Variants in LARGE1 observed in about 807,000 individuals in gnomAD.
LARGE1 encodes xylosyl- and glucuronyltransferase LARGE1.
A neutral mutation model predicts 87.6 loss-of-function variants in LARGE1; 43 were observed. The ratio of observed to expected loss-of-function variants is 0.49; its 90% confidence interval spans 0.38 to 0.63. LARGE1 has a LOEUF of 0.63. LARGE1 is among the 30% of genes least tolerant of loss of function. The pLI, the probability that LARGE1 is intolerant of heterozygous loss-of-function variation, is 0.00. For synonymous variants in LARGE1, 434 were observed against 394.6 expected (o/e 1.10, Z -1.18); for missense variants, 802 against 1,000.2 (o/e 0.80, Z 2.67).
intron 6 of LARGE1, among the ~76,000 whole-genome samples, chr22:33,446,719 A>T (rs1315668400): frequency 6.6e-6 from 1 of 152,032 alleles, no homozygotes; most frequent in Non-Finnish European, 1.5e-5. Context: ...GAGTAAGGGG[A>T]TTTCTCCACG....
At chr22:33,615,494 T>TA (rs2079555572) in intron 4 of LARGE1, among the ~76,000 whole-genome samples, 4 of 75,836 alleles carry the variant, frequency 5.3e-5, no homozygotes, top group African/African-American at 1.4e-4. Context: ...GAAATAATTT[T>TA]TAAAAAACCC....
the LARGE1 span, among the ~76,000 whole-genome samples, chr22:33,115,650 T>C: frequency 1.3e-5 from 2 of 151,414 alleles, no homozygotes; most frequent in Admixed American, 6.6e-5. Context: ...ACCTCGTCTC[T>C]ACTAAAAATA....
chr22:33,283,639 T>C (rs1291049307), intron 12 of LARGE1, among the ~76,000 whole-genome samples: 1 of 151,948 alleles, frequency 6.6e-6, no homozygotes, highest in East Asian at 1.9e-4. Context: ...TGGTGGGGCA[T>C]GGTGGCACAC....
chr22:33,545,930 G>A (rs1042224861), intron 6 of LARGE1, among the ~76,000 whole-genome samples: 4 of 152,146 alleles, frequency 2.6e-5, no homozygotes, highest in Non-Finnish European at 4.4e-5. Context: ...CTGCTGTTGT[G>A]CTCAACCTCT....
the LARGE1 span, among the ~76,000 whole-genome samples, chr22:33,154,989 C>G: frequency 6.6e-6 from 1 of 152,186 alleles, no homozygotes; most frequent in Admixed American, 6.5e-5. Context: ...CTTTTGTCTG[C>G]TGCCATGTGA....
At chr22:33,476,162 C>T (rs369093914) in intron 6 of LARGE1, among the ~76,000 whole-genome samples, 7 of 152,360 alleles carry the variant, frequency 4.6e-5, no homozygotes, top group African/African-American at 1.4e-4. Context: ...AAATTGATAG[C>T]TGATTAGCTG....
Position 33,813,778 on chromosome 22 carries a change from A to G in LARGE1, c.-82-52220T>C, listed in dbSNP as rs1466863946. On this transcript the variant is annotated intron_variant, in intron 1 of 14. Coordinates refer to ENST00000397394, the MANE Select transcript of LARGE1 (RefSeq NM_133642.5). ...TTGACTGGTATCTCCAGTTTTTCCC[A>G]AACTCTTGCATTCTACGATGCTCCC... Among the ~76,000 whole-genome samples, 10 of 152,222 alleles carry G rather than the reference A, an allele frequency of 6.6e-5. No homozygotes were observed. The East Asian group carries it at 1.9e-3, about 29-fold the overall frequency.
chr22:33,588,383 C>T (rs1274269982), intron 5 of LARGE1, among the ~76,000 whole-genome samples: 1 of 152,186 alleles, frequency 6.6e-6, no homozygotes, highest in Non-Finnish European at 1.5e-5. Context: ...CCTTGAGATG[C>T]TAACTGAGCT....
intron 2 of LARGE1, among the ~76,000 whole-genome samples, chr22:33,710,200 A>C (rs1603219658): frequency 6.6e-6 from 1 of 152,172 alleles, no homozygotes; most frequent in Non-Finnish European, 1.5e-5. Flanking sequence ...ATTGAAAAAA[A>C]AAAACAAAAC....
chr22:33,085,232 C>T, the LARGE1 span, among the ~76,000 whole-genome samples: 180 of 152,300 alleles, frequency 1.2e-3, 1 homozygote, highest in Non-Finnish European at 1.9e-3. Flanking sequence ...GCCGAGATCG[C>T]GCCACTGCAC....
At chr22:33,764,050 ATCTTGGCCAAGATGG>A (rs2084821438) in intron 1 of LARGE1, among the ~76,000 whole-genome samples, 1 of 151,768 alleles carries the variant, frequency 6.6e-6, no homozygotes, top group Non-Finnish European at 1.5e-5. Flanking sequence ...GGGTTTCACC[ATCTTGGCCAAGATGG>A]TCTCAATCTC....
rs140013056 is a variant in LARGE1, at chr22:33,677,137, T to C, written c.107-26469A>G. Among the ~76,000 whole-genome samples the C allele has an allele frequency of 2.8e-3, 430 of 152,084 alleles. 3 individuals carry two copies. Among genetic ancestry groups the C allele is most frequent in the African/African-American group, 9.9e-3 (412 of 41,484 alleles). On this transcript the variant is annotated intron_variant, in intron 2 of 14. Coordinates refer to ENST00000397394, the MANE Select transcript of LARGE1 (RefSeq NM_133642.5). ...ATTAGAACCCAGGTGTGTTGATGTG[T>C]TAATGCTCAGGTTCTTCTCACCATC...
chr22:33,775,567 G>A (rs2267283), intron 1 of LARGE1, among the ~76,000 whole-genome samples: 11,051 of 152,226 alleles, frequency 0.073, 519 homozygotes, highest in Admixed American at 0.11. Context: ...AGACTGGGGG[G>A]TTGGCGGGGC....
intron 9 of LARGE1, among the ~76,000 whole-genome samples, chr22:33,360,621 A>G (rs891457154): frequency 6.7e-6 from 1 of 149,594 alleles, no homozygotes; most frequent in East Asian, 1.9e-4. Context: ...CCATGATCCA[A>G]GCACCTCCCA....
intron 6 of LARGE1, among the ~76,000 whole-genome samples, chr22:33,455,029 G>C (rs533131399): frequency 6.6e-6 from 1 of 152,166 alleles, no homozygotes; most frequent in South Asian, 2.1e-4. Context: ...CCACAGATAA[G>C]GACTCTCTCC....
intron 9 of LARGE1, among the ~76,000 whole-genome samples, chr22:33,354,327 G>C (rs558997226): frequency 6.6e-6 from 1 of 152,144 alleles, no homozygotes; most frequent in Non-Finnish European, 1.5e-5. Flanking sequence ...CTTCAAAATA[G>C]ATTTAACTTT....
intron 2 of LARGE1, among the ~76,000 whole-genome samples, chr22:33,682,622 T>C (rs1403126502): frequency 6.6e-6 from 1 of 152,250 alleles, no homozygotes; most frequent in Non-Finnish European, 1.5e-5. Context: ...AAATCCTTTA[T>C]CATCACATCT....
At chr22:33,146,864 C>T in the LARGE1 span, among the ~76,000 whole-genome samples, 1 of 152,160 alleles carries the variant, frequency 6.6e-6, no homozygotes, top group Non-Finnish European at 1.5e-5. Context: ...ACATTTCTAT[C>T]ACCCCAGAAA....
intron 5 of LARGE1, among the ~76,000 whole-genome samples, chr22:33,583,074 G>A (rs972261341): frequency 6.6e-6 from 1 of 152,136 alleles, no homozygotes; most frequent in African/African-American, 2.4e-5. Flanking sequence ...ATGACAAATA[G>A]GACTCTTGCT....
Sources: allele counts gnomAD v4.1 joint callset (sites outside exome capture counted in the v4.1 genomes callset), GRCh38; gene constraint gnomAD v4.1.1; transcripts MANE v1.5; gene names NCBI Gene and HGNC (gene_info 2026-07-23, HGNC 2026-07-21).